The following INTS11 variants were observed in gnomAD, a reference collection of about 807,000 sequenced individuals.
The protein encoded by INTS11 is integrator complex subunit 11.
INTS11 carries 77 observed loss-of-function variants against 78.6 expected under a neutral mutation model. The observed-to-expected ratio is 0.98, with a 90% CI of 0.81 to 1.18. INTS11 has a LOEUF of 1.18. INTS11 is among the 50% of genes most tolerant of loss of function. INTS11 has a pLI of 0.00. For missense variants in INTS11, 875 were observed against 825.9 expected, an observed-to-expected ratio of 1.06 and a Z score of -0.73; for synonymous variants, 441 against 326.9, an observed-to-expected ratio of 1.35 and a Z score of -3.77.
At chr1:1,320,372 C>A in intron 3 of INTS11, 84 bp downstream of exon 3, 1 of 1,356,772 alleles carries the variant, frequency 7.4e-7, no homozygotes, top group South Asian at 1.2e-5. Flanking sequence ...AGGCCCCTTG[C>A]CAAACGCTGC....
Position 1,312,878 on chromosome 1 carries a change from C to T in INTS11, c.1203G>A (p.Leu401=). Residue 401 remains leucine, a synonymous_variant, in exon 12 of 17, where the codon CTG becomes CTA. Coordinates refer to ENST00000435064, the MANE Select transcript of INTS11 (RefSeq NM_017871.6). ...CGCTCTCCGGCTCTGCCTGGCCCAC[C>T]AGCTGCATGATGCCCTTGGCGTCCG... The part of the protein sequence containing the change: ...AHADAKGIMQ[L]VGQAEPESVL... The T allele has an allele frequency of 6.2e-7, 1 of 1,612,554 alleles. No individual in the cohort carries two copies. The highest frequency in any genetic ancestry group is 1.3e-5 in the African/African-American group (1 of 75,070).
rs1275033204 is a variant in INTS11 at position 1,313,080 on chromosome 1, CT to C, written c.1085del (p.Lys362ArgfsTer62). The C allele has an allele frequency of 6.2e-7, 1 of 1,609,838 alleles. No individual in the cohort carries two copies. Among genetic ancestry groups the C allele is most frequent in the Middle Eastern group, 1.6e-4 (1 of 6,062 alleles). On this transcript the variant is annotated frameshift_variant, in exon 11 of 17. Coordinates refer to ENST00000435064, the MANE Select transcript of INTS11 (RefSeq NM_017871.6). LOFTEE classifies it high-confidence loss of function. ...CGAGCTTCCGCTGCCCGCTGAGGAT[CT>C]TGTGGCCGACGGTGCCCTGCACGCA... ...GYCVQGTVGH[K>X]ILSGQRKLEM...
intron 1 of INTS11, among the ~76,000 whole-genome samples, chr1:1,323,776 G>A (rs906454425): frequency 6.9e-6 from 1 of 144,092 alleles, no homozygotes; most frequent in Admixed American, 7.2e-5. Context: ...CAGAAATCAG[G>A]TAGAACAAGA....
chr1:1,313,091 C>T lies in INTS11; in HGVS notation c.1075G>A (p.Val359Ile), dbSNP rs771049158. The change falls in exon 11 of 17, where the codon GTC (valine) becomes ATC (isoleucine). Residue 359 changes from valine to isoleucine, a missense_variant. By Grantham distance (29) the Val-to-Ile change is conservative. Transcript: ENST00000435064. ...IMPGYCVQGT[V>I]GHKILSGQRK... ...TGCCCGCTGAGGATCTTGTGGCCGA[C>T]GGTGCCCTGCACGCAGTAGCCGGGC... The T allele has an allele frequency of 6.8e-6, 11 of 1,608,980 alleles. No individual in the cohort carries two copies. Among genetic ancestry groups the T allele is most frequent in the Middle Eastern group, 1.6e-4 (1 of 6,084 alleles).
intron 2 of INTS11, 164 bp from the exon 3 acceptor site, chr1:1,320,693 C>A: frequency 1.3e-6 from 1 of 780,990 alleles, no homozygotes; most frequent in East Asian, 2.6e-5. Flanking sequence ...CTGCTCACAG[C>A]ATCCGGAGGG....
Position 1,311,904 on chromosome 1 carries a change from G to T in INTS11, c.1758C>A (p.Phe586Leu). Reference sequence around the variant, plus strand: ...GGCCCTTCTTCAGCAGAGATGTGAGGAAGCTCCCCAGCTCCTCGTCCTAGG... The same window carrying T: ...GGCCCTTCTTCAGCAGAGATGTGAGTAAGCTCCCCAGCTCCTCGTCCTAGG... The part of the protein sequence containing the change: ...WTYQDEELGS[F>L]LTSLLKKGLP... The change falls in exon 17 of 17, where the codon TTC becomes TTA. Residue 586 changes from phenylalanine (F) to leucine (L), a missense_variant. Coordinates refer to ENST00000435064, the MANE Select transcript of INTS11 (RefSeq NM_017871.6). 6.4e-7 allele frequency: 1 copy of T among 1,573,742 alleles called. No homozygotes were observed. The highest frequency in any genetic ancestry group is 8.6e-7 in the Non-Finnish European group (1 of 1,159,042).
intron 1 of INTS11, chr1:1,323,244 G>A (rs1309196368): frequency 2.6e-6 from 4 of 1,550,302 alleles, no homozygotes; most frequent in Non-Finnish European, 2.6e-6. Context: ...TCGACCCCCT[G>A]CCCGGTGGAA....
At chr1:1,318,499 A>G (rs1570730068) in intron 4 of INTS11, 1 of 169,410 alleles carries the variant, frequency 5.9e-6, no homozygotes, top group East Asian at 1.6e-4. Context: ...TACAAAAAAT[A>G]CCAAAATAAA....
intron 4 of INTS11, chr1:1,316,448 G>C (rs1017396598): frequency 6.6e-6 from 1 of 152,132 alleles, no homozygotes; most frequent in Non-Finnish European, 1.5e-5. Context: ...AGTTAGCTGG[G>C]CATGGTGGTG....
chr1:1,311,849 G>A lies in INTS11; in HGVS notation c.*10C>T. The A allele has an allele frequency of 4.5e-6, 7 of 1,543,796 alleles. No individual in the cohort carries two copies. The highest frequency in any genetic ancestry group is 5.2e-6 in the Non-Finnish European group (6 of 1,144,872). Reference sequence around the variant, plus strand: ...GAGGGCAGAGGTGGCGGCTGGGTGAGTTGCCGGCCTCAGCTGGGGGCCTGG... The same window carrying A: ...GAGGGCAGAGGTGGCGGCTGGGTGAATTGCCGGCCTCAGCTGGGGGCCTGG... On this transcript the variant is annotated 3_prime_UTR_variant, in exon 17 of 17. Transcript: ENST00000435064.
Position 1,311,733 on chromosome 1 carries a change from G to C in INTS11, c.*126C>G. 1.0e-6 allele frequency: 1 copy of C among 968,214 alleles called. No homozygotes were observed. The highest frequency in any genetic ancestry group is 1.6e-6 in the Non-Finnish European group (1 of 633,746). 60.0% of individuals were successfully genotyped at this position (968,214 alleles called of 1,614,324 possible). On this transcript the variant is annotated 3_prime_UTR_variant, in exon 17 of 17. Transcript: ENST00000435064. ...TGCCTGGGCAGGCAGGTGACACAAG[G>C]CCTCTGTCCCCAGGGATGGGACCTG...
chr1:1,313,417 G>A (rs1642366344), intron 10 of INTS11, 92 bp downstream of exon 10: 1 of 1,450,938 alleles, frequency 6.9e-7, no homozygotes. Flanking sequence ...CCAGCACGAG[G>A]CCAAGCCAGT....
chr1:1,324,438 C>T, intron 1 of INTS11, 143 bp downstream of exon 1: 1 of 824,742 alleles, frequency 1.2e-6, no homozygotes, highest in Non-Finnish European at 1.8e-6. Context: ...TCGGCTCCCA[C>T]CAGGGCCCGC....
intron 4 of INTS11, chr1:1,316,142 T>C (rs1164935173): frequency 1.0e-5 from 2 of 193,928 alleles, no homozygotes; most frequent in African/African-American, 4.8e-5. Context: ...GTAAGCCAGG[T>C]GTGGAAGTGC....
At chr1:1,313,693 G>A (rs775865212) in intron 9 of INTS11, 39 bp downstream of exon 9, 32 of 1,609,312 alleles carry the variant, frequency 2.0e-5, no homozygotes, top group Admixed American at 1.7e-4. Flanking sequence ...GGAGACCGAC[G>A]GGTGTGGATG....
In INTS11 at chr1:1,311,710, C is replaced by T. The variant is rs1047478680; in HGVS notation, c.*149G>A. 3 of 826,008 alleles carry T rather than the reference C, an allele frequency of 3.6e-6. No homozygotes were observed. The highest frequency in any genetic ancestry group is 1.7e-5 in the African/African-American group (1 of 59,270). 51.2% of individuals were successfully genotyped at this position (826,008 alleles called of 1,614,324 possible). A position where few individuals can be genotyped will look rare whatever the true frequency, so the allele number is the denominator to read the frequency against. On this transcript the variant is annotated 3_prime_UTR_variant, in exon 17 of 17. Coordinates refer to ENST00000435064, the MANE Select transcript of INTS11 (RefSeq NM_017871.6). ...TTGTTTCTTCAGCTGCAAACAGCTG[C>T]CTGGGCAGGCAGGTGACACAAGGCC...
At chr1:1,318,979 G>A (rs537395963) in intron 4 of INTS11, 112 of 717,242 alleles carry the variant, frequency 1.6e-4, no homozygotes, top group Non-Finnish European at 2.3e-4. Flanking sequence ...GTCTCTGGCC[G>A]CTCCAAGCGC....
At chr1:1,313,242 A>G (rs762958897) in intron 10 of INTS11, 118 bp from the exon 11 acceptor site, 258 of 1,213,028 alleles carry the variant, frequency 2.1e-4, no homozygotes, top group Middle Eastern at 1.2e-3. Flanking sequence ...GCGGCGCCCG[A>G]CCAAGCCTAG....
At chr1:1,323,413 T>C (rs1034615842) in intron 1 of INTS11, 2 of 1,133,746 alleles carry the variant, frequency 1.8e-6, no homozygotes, top group South Asian at 3.4e-5. Context: ...GTTACGACTT[T>C]GACTTTCTTT....
Sources: allele counts gnomAD v4.1 joint callset (sites outside exome capture counted in the v4.1 genomes callset), GRCh38; gene constraint gnomAD v4.1.1; transcripts MANE v1.5; gene names NCBI Gene and HGNC (gene_info 2026-07-23, HGNC 2026-07-21).